Variants in ANKRD30BL observed in about 807,000 individuals in gnomAD.
ANKRD30BL encodes the protein putative ankyrin repeat domain-containing protein 30B-like.
Under a neutral mutation model 18.4 loss-of-function variants are expected in ANKRD30BL, and 20 were observed. The observed-to-expected ratio is 1.09, with a 90% confidence interval of 0.77 to 1.58. The LOEUF is 1.58. Among genes scored for constraint, ANKRD30BL ranks in the 40% most tolerant of loss-of-function variants. ANKRD30BL has a pLI of 0.00. For synonymous variants in ANKRD30BL, 72 were observed against 100.9 expected, an observed-to-expected ratio of 0.71 and a Z score of 1.72; for missense variants, 224 against 268.6, an observed-to-expected ratio of 0.83 and a Z score of 1.16.
chr2:132,234,386 A>G (rs555242044), intron 1 of ANKRD30BL, among the ~76,000 whole-genome samples: 1 of 152,220 alleles, frequency 6.6e-6, no homozygotes, highest in East Asian at 1.9e-4. Context: ...CAAAAAATTA[A>G]TGAATCCAGG....
At chr2:132,205,305 A>T (rs1347393911) in intron 1 of ANKRD30BL, among the ~76,000 whole-genome samples, 1 of 151,956 alleles carries the variant, frequency 6.6e-6, no homozygotes, top group Non-Finnish European at 1.5e-5. Flanking sequence ...CTAGGCAGCA[A>T]GGAGTTATTA....
chr2:132,173,232 A>C (rs1183594515), intron 1 of ANKRD30BL, among the ~76,000 whole-genome samples: 1 of 151,654 alleles, frequency 6.6e-6, no homozygotes, highest in African/African-American at 2.4e-5. Context: ...TAAGGGCCCA[A>C]ACTTTATATT....
At chr2:132,224,531 A>T (rs147812740) in intron 1 of ANKRD30BL, among the ~76,000 whole-genome samples, 7 of 151,936 alleles carry the variant, frequency 4.6e-5, no homozygotes. Flanking sequence ...TGTGCATTCA[A>T]CTCACAGAGC....
chr2:132,182,258 A>C (rs1421784943), intron 1 of ANKRD30BL, among the ~76,000 whole-genome samples: 1 of 152,168 alleles, frequency 6.6e-6, no homozygotes, highest in South Asian at 2.1e-4. Flanking sequence ...TGAGATGGGC[A>C]GATCACGAGG....
At chr2:132,233,058 A>G (rs1293857371) in intron 1 of ANKRD30BL, among the ~76,000 whole-genome samples, 2 of 152,104 alleles carry the variant, frequency 1.3e-5, no homozygotes, top group Non-Finnish European at 2.9e-5. Flanking sequence ...AGAATTTTCA[A>G]CCCAGAATTT....
chr2:132,244,170 T>G (rs1680415854), intron 1 of ANKRD30BL, among the ~76,000 whole-genome samples: 1 of 152,288 alleles, frequency 6.6e-6, no homozygotes. Context: ...TTGGAGCACT[T>G]TTGAAACACA....
At chr2:132,221,201 C>A (rs1258259962) in intron 1 of ANKRD30BL, among the ~76,000 whole-genome samples, 4 of 137,480 alleles carry the variant, frequency 2.9e-5, no homozygotes, top group African/African-American at 1.2e-4. Context: ...GGGGGGGGGT[C>A]AGCCCCCCGC....
intron 1 of ANKRD30BL, among the ~76,000 whole-genome samples, chr2:132,232,767 T>C (rs1353899903): frequency 6.6e-6 from 1 of 152,132 alleles, no homozygotes; most frequent in Non-Finnish European, 1.5e-5. Context: ...CTCTGCAGGA[T>C]ATTACCCAGG....
At position 132,148,126 on chromosome 2, in the gene ANKRD30BL, G is replaced by A. The variant is rs746791240; in HGVS notation, c.*5C>T. The A allele has an allele frequency of 5.1e-6, 8 of 1,568,748 alleles. No homozygotes were observed. Among genetic ancestry groups the A allele is most frequent in the Non-Finnish European group, 3.5e-6 (4 of 1,149,912 alleles). The stretch of plus-strand genomic sequence containing the variant: ...TAAAATCTTTGAAGAGGAATTCACT[G>A]TATCCTATTCATCAGGTGTTCTTTC... On this transcript the variant is annotated 3_prime_UTR_variant, in exon 6 of 6. Coordinates refer to ENST00000409867, the MANE Select transcript of ANKRD30BL (RefSeq NM_001358416.1).
At chr2:132,196,377 C>A (rs1318276207) in intron 1 of ANKRD30BL, among the ~76,000 whole-genome samples, 15 of 151,990 alleles carry the variant, frequency 9.9e-5, no homozygotes, top group Non-Finnish European at 2.2e-4. Context: ...ATTGATAGAA[C>A]CCTGGGGGAT....
intron 4 of ANKRD30BL, chr2:132,152,765 G>C (rs1353111953): frequency 6.6e-6 from 1 of 152,076 alleles, no homozygotes; most frequent in Admixed American, 6.6e-5. Flanking sequence ...ACTAATATTG[G>C]CTAGAGAAAA....
intron 1 of ANKRD30BL, among the ~76,000 whole-genome samples, chr2:132,232,325 G>A (rs1262119144): frequency 6.6e-6 from 1 of 152,190 alleles, no homozygotes; most frequent in Admixed American, 6.6e-5. Flanking sequence ...ACGGAACAAA[G>A]CTGGATGGAG....
chr2:132,257,090 C>T (rs750978642), intron 1 of ANKRD30BL: 9 of 493,578 alleles, frequency 1.8e-5, no homozygotes, highest in Non-Finnish European at 2.0e-5. Flanking sequence ...CACCGAGACC[C>T]GCCTCATGAG....
At chr2:132,254,315 G>A (rs1291671027) in intron 1 of ANKRD30BL, among the ~76,000 whole-genome samples, 1 of 152,200 alleles carries the variant, frequency 6.6e-6, no homozygotes, top group East Asian at 1.9e-4. Flanking sequence ...GGAAGGACAT[G>A]GCGGCGTCTC....
intron 1 of ANKRD30BL, among the ~76,000 whole-genome samples, chr2:132,171,798 T>C (rs1366114564): frequency 1.3e-5 from 2 of 152,200 alleles, no homozygotes; most frequent in Non-Finnish European, 2.9e-5. Flanking sequence ...ATTCACCAAA[T>C]TGCACAACCT....
chr2:132,195,399 G>A (rs985998863), intron 1 of ANKRD30BL, among the ~76,000 whole-genome samples: 1 of 151,766 alleles, frequency 6.6e-6, no homozygotes, highest in Non-Finnish European at 1.5e-5. Flanking sequence ...AAACCTCCTA[G>A]AGATGAATTC....
chr2:132,182,482 GAAAAAA>G (rs997239394), intron 1 of ANKRD30BL, among the ~76,000 whole-genome samples: 2 of 111,014 alleles, frequency 1.8e-5, no homozygotes, highest in Non-Finnish European at 3.8e-5. Context: ...CTCCATCTCA[GAAAAAA>G]AAAAAAAAGA....
rs543001641 is a variant in ANKRD30BL at position 132,171,119 on chromosome 2, T to C, written n.442-13973A>G. Among the ~76,000 whole-genome samples, 112 of 143,806 alleles carry C rather than the reference T, an allele frequency of 7.8e-4. No individual in the cohort carries two copies. In the East Asian group the frequency reaches 0.015, roughly 19 times the overall value. 94.3% of individuals were successfully genotyped at this position (143,806 alleles called of 152,430 possible). On this transcript the variant is annotated intron_variant and non_coding_transcript_variant, in intron 1 of 4. Transcript: ENST00000470729. ...GCAGTGAGCCGAGATCGCACCACTG[T>C]ACTCCAGCCTGGGAGACAGAGCCAG... is the stretch of plus-strand genomic sequence containing the variant.
chr2:132,176,601 A>T (rs1351421918), intron 1 of ANKRD30BL, among the ~76,000 whole-genome samples: 1 of 151,592 alleles, frequency 6.6e-6, no homozygotes, highest in Non-Finnish European at 1.5e-5. Context: ...ATAGAGCAAG[A>T]CTCTGTATTC....
Sources: allele counts gnomAD v4.1 joint callset (sites outside exome capture counted in the v4.1 genomes callset), GRCh38; gene constraint gnomAD v4.1.1; transcripts MANE v1.5; gene names NCBI Gene and HGNC (gene_info 2026-07-23, HGNC 2026-07-21).